ABCB4: variants seen among roughly 807,000 people sequenced by gnomAD.
ABCB4 encodes ATP binding cassette subfamily B member 4, also known as phosphatidylcholine translocator ABCB4.
ABCB4 carries 76 observed loss-of-function variants against 145.7 expected under a neutral mutation model. The observed-to-expected ratio is 0.52, with a 90% CI of 0.43 to 0.63. ABCB4 has a LOEUF of 0.63. ABCB4 is among the 30% of genes least tolerant of loss of function. ABCB4 has a pLI of 0.00. For synonymous variants in ABCB4, 517 were observed against 566.8 expected (o/e 0.91, Z 1.25); for missense variants, 1,234 against 1,553.1 (o/e 0.79, Z 3.45).
chr7:87,473,810 T>C (rs1005790136), intron 2 of ABCB4, among the ~76,000 whole-genome samples: 6 of 152,178 alleles, frequency 3.9e-5, no homozygotes, highest in African/African-American at 1.2e-4. Flanking sequence ...AGGTAAATGA[T>C]AAAGTTTTAC....
At chr7:87,452,239 T>C (rs907962592) in intron 6 of ABCB4, 7 of 246,986 alleles carry the variant, frequency 2.8e-5, no homozygotes, top group African/African-American at 1.6e-4. Context: ...CAGCAGCCAG[T>C]GGGATGCTTT....
At chr7:87,475,771 C>A (rs72559420), upstream of ABCB4, 13 of 277,306 alleles carry the variant, frequency 4.7e-5, no homozygotes, top group East Asian at 7.7e-4. Flanking sequence ...AAACGCCTAC[C>A]GTTGCAGCCA....
intron 4 of ABCB4, among the ~76,000 whole-genome samples, chr7:87,457,343 A>T (rs1812163984): frequency 6.6e-6 from 1 of 152,124 alleles, no homozygotes; most frequent in African/African-American, 2.4e-5. Context: ...CCAGGAGCTC[A>T]AGGCTGGAGT....
downstream of ABCB4, chr7:87,399,570 G>A (rs184217695): frequency 5.5e-4 from 83 of 152,240 alleles, no homozygotes; most frequent in African/African-American, 1.9e-3. Context: ...ACATAAAACC[G>A]TAACAAAATT....
intron 21 of ABCB4, among the ~76,000 whole-genome samples, chr7:87,415,492 A>G (rs971222230): frequency 1.3e-5 from 2 of 152,120 alleles, no homozygotes; most frequent in Non-Finnish European, 2.9e-5. Context: ...TTCATATTTC[A>G]TATTTAATCT....
the ABCB4 span, chr7:87,392,601 T>C: frequency 2.0e-4 from 320 of 1,613,636 alleles, 2 homozygotes; most frequent in African/African-American, 3.7e-3. Flanking sequence ...TACAAGCTTT[T>C]GCAAAGCATA....
At chr7:87,436,684 TC>T (rs113718619) in intron 14 of ABCB4, among the ~76,000 whole-genome samples, 2,601 of 152,244 alleles carry the variant, frequency 0.017, 77 homozygotes, top group African/African-American at 0.06. Context: ...GGGAACCCAC[TC>T]CTGGGGAGCA....
chr7:87,380,561 A>C, the ABCB4 span, among the ~76,000 whole-genome samples: 1 of 152,206 alleles, frequency 6.6e-6, no homozygotes, highest in Non-Finnish European at 1.5e-5. Flanking sequence ...CTACATTCTT[A>C]AACACTATGT....
At chr7:87,451,381 G>T (rs1471084431) in intron 7 of ABCB4, among the ~76,000 whole-genome samples, 1 of 152,044 alleles carries the variant, frequency 6.6e-6, no homozygotes, top group African/African-American at 2.4e-5. Context: ...AGTGATTTAT[G>T]TACCTTGGCC....
chr7:87,471,221 G>C (rs1396305610), intron 3 of ABCB4, among the ~76,000 whole-genome samples: 1 of 151,874 alleles, frequency 6.6e-6, no homozygotes. Context: ...ATTGTGGGGT[G>C]GGGGGATGGG....
chr7:87,453,126 A>G lies in ABCB4; in HGVS notation c.354T>C (p.Tyr118=), dbSNP rs1486363793. The G allele has an allele frequency of 1.5e-5, 25 of 1,613,878 alleles. No homozygotes were observed. The highest frequency in any genetic ancestry group is 2.1e-5 in the Non-Finnish European group (25 of 1,179,852). The change falls in exon 6 of 28, where the codon TAT becomes TAC. Residue 118 remains tyrosine, a synonymous_variant. Transcript: ENST00000649586. ...CTCCAGCACCCAATCCTGAGTAGTAATATGCATATCTGAAAAAAAAGAGAA... is the reference window on the plus strand; with the variant it reads ...CTCCAGCACCCAATCCTGAGTAGTAGTATGCATATCTGAAAAAAAAGAGAA... ...ILEEEMTRYA[Y]YYSGLGAGVL...
chr7:87,439,866 G>C, intron 13 of ABCB4, 29 bp from the exon 14 acceptor site: 1 of 1,614,084 alleles, frequency 6.2e-7, no homozygotes, highest in East Asian at 2.2e-5. Context: ...ATCAGCTCTT[G>C]AAGTAACTTA....
Position 87,413,940 on chromosome 7 carries a change from G to C in ABCB4, c.2683-223C>G, listed in dbSNP as rs1018708393. Among the ~76,000 whole-genome samples, 3 of 152,204 alleles carry C rather than the reference G, an allele frequency of 2.0e-5. No homozygotes were observed. In the South Asian group the frequency reaches 6.2e-4, roughly 31 times the overall value. On this transcript the variant is annotated intron_variant, in intron 21 of 27. Transcript: ENST00000649586. ...TGGTAGGCAAGTCTTTGTATGCTCA[G>C]GAAGGCTGATCAGCTAAGGGCAAGA...
rs150812500 is a variant in ABCB4, at chr7:87,454,377, G to A, written c.344+158C>T. Reference sequence around the variant, plus strand: ...TCATACTGCAGTAAAGGGCCATGATGTGTGCATCTTACTTTAAATTGGGAT... The same window carrying A: ...TCATACTGCAGTAAAGGGCCATGATATGTGCATCTTACTTTAAATTGGGAT... On this transcript the variant is annotated intron_variant, in intron 5 of 27. Coordinates refer to ENST00000649586, the MANE Select transcript of ABCB4 (RefSeq NM_000443.4). Among the ~76,000 whole-genome samples the A allele has an allele frequency of 8.5e-4, 130 of 152,286 alleles. 1 individual carries two copies. The highest frequency in any genetic ancestry group is 1.6e-3 in the Admixed American group (24 of 15,290).
chr7:87,414,553 A>AC (rs1352753317), intron 21 of ABCB4, among the ~76,000 whole-genome samples: 5 of 152,326 alleles, frequency 3.3e-5, no homozygotes, highest in Admixed American at 2.0e-4. Context: ...ACCACCCTTG[A>AC]CAAATGTTGA....
chr7:87,421,454 G>T (rs1364508511), intron 18 of ABCB4, among the ~76,000 whole-genome samples: 1 of 152,184 alleles, frequency 6.6e-6, no homozygotes, highest in Non-Finnish European at 1.5e-5. Context: ...TCATTGAGTT[G>T]TGTCTAGTAG....
At position 87,406,036 on chromosome 7, in the gene ABCB4, A is replaced by G. The variant is rs1275949653; in HGVS notation, c.3486+252T>C. ...GCTAAACCAAACATGACTGCAGTCTAAATGCAGCCCTCAACCACCAGTCTG... is the reference window on the plus strand; with the variant it reads ...GCTAAACCAAACATGACTGCAGTCTGAATGCAGCCCTCAACCACCAGTCTG... On this transcript the variant is annotated intron_variant, in intron 26 of 27. Transcript: ENST00000649586. 3 of 559,944 alleles carry G rather than the reference A, an allele frequency of 5.4e-6. No individual in the cohort carries two copies. The African/African-American group carries it at 5.6e-5, about 11-fold the overall frequency. The allele number at this position is 559,944 out of a possible 1,614,324, so 34.7% of individuals were successfully genotyped here.
the ABCB4 span, among the ~76,000 whole-genome samples, chr7:87,377,951 T>G: frequency 6.6e-6 from 1 of 152,156 alleles, no homozygotes; most frequent in East Asian, 1.9e-4. Context: ...CAACTTTTCT[T>G]GCTTCTCCTC....
At chr7:87,393,889 G>A in the ABCB4 span, among the ~76,000 whole-genome samples, 18 of 152,024 alleles carry the variant, frequency 1.2e-4, no homozygotes, top group African/African-American at 3.4e-4. Context: ...AAAATTTTTT[G>A]GAGATTGAGA....
Sources: allele counts gnomAD v4.1 joint callset (sites outside exome capture counted in the v4.1 genomes callset), GRCh38; gene constraint gnomAD v4.1.1; transcripts MANE v1.5; gene names NCBI Gene and HGNC (gene_info 2026-07-23, HGNC 2026-07-21).